The following GRIK2 variants were observed in gnomAD, a reference collection of about 807,000 sequenced individuals.
GRIK2 encodes the protein glutamate ionotropic receptor kainate type subunit 2.
Under a neutral mutation model 100.3 loss-of-function variants are expected in GRIK2, and 32 were observed. The observed-to-expected ratio is 0.32, with a 90% CI of 0.24 to 0.43. The LOEUF is 0.43. GRIK2 is among the 20% of genes least tolerant of loss of function. The pLI, the probability that GRIK2 is intolerant of heterozygous loss-of-function variation, is 1.00. For missense variants in GRIK2, 843 were observed against 1,114.9 expected (o/e 0.76, Z 3.47); for synonymous variants, 417 against 389.4 (o/e 1.07, Z -0.83).
intron 2 of GRIK2, among the ~76,000 whole-genome samples, chr6:101,517,356 G>A (rs376436690): frequency 5.3e-5 from 8 of 152,172 alleles, no homozygotes; most frequent in South Asian, 2.1e-4. Context: ...AGTGTTAAGC[G>A]AATTATATTG....
chr6:101,493,456 A>G (rs551084159), intron 2 of GRIK2, among the ~76,000 whole-genome samples: 1 of 152,234 alleles, frequency 6.6e-6, no homozygotes, highest in African/African-American at 2.4e-5. Context: ...GTAAAATGAT[A>G]TCTTCAGATT....
chr6:101,744,519 CGCGCATATATATAT>C (rs1776262654), intron 7 of GRIK2: 2 of 75,578 alleles, frequency 2.6e-5, no homozygotes, highest in African/African-American at 1.1e-4. Flanking sequence ...TGTGTGCGTG[CGCGCATATATATAT>C]ATATATATAT....
chr6:101,780,809 C>T (rs997674921), intron 7 of GRIK2, among the ~76,000 whole-genome samples: 2 of 151,998 alleles, frequency 1.3e-5, no homozygotes, highest in African/African-American at 2.4e-5. Flanking sequence ...CCTCTTAGGC[C>T]CCAGCGTGAA....
chr6:101,788,896 T>C (rs191011234), intron 7 of GRIK2, among the ~76,000 whole-genome samples: 3,867 of 152,140 alleles, frequency 0.025, 170 homozygotes, highest in African/African-American at 0.088. Context: ...GTTTAATGAT[T>C]GCCATTCTAA....
In GRIK2 at chr6:101,767,518, A is replaced by G. The variant is rs1562370282; in HGVS notation, c.952-32130A>G. The stretch of plus-strand genomic sequence containing the variant: ...TTTTAAGAATATGCATAGTTGAAAT[A>G]CATTTATTTGTTAAAATAATGAGGT... On this transcript the variant is annotated intron_variant, in intron 7 of 16. Coordinates refer to ENST00000369134, the MANE Select transcript of GRIK2 (RefSeq NM_021956.5). Among the ~76,000 whole-genome samples, 4 of 152,216 alleles carry G rather than the reference A, an allele frequency of 2.6e-5. No individual in the cohort carries two copies. The South Asian group carries it at 8.3e-4, about 31-fold the overall frequency.
intron 14 of GRIK2, among the ~76,000 whole-genome samples, chr6:101,951,123 G>A (rs1403973268): frequency 2.0e-5 from 3 of 152,132 alleles, no homozygotes; most frequent in East Asian, 1.9e-4. Flanking sequence ...AGAAATCATT[G>A]AGTGCAGTCA....
At chr6:101,919,326 C>T (rs1285628993) in intron 12 of GRIK2, among the ~76,000 whole-genome samples, 1 of 151,568 alleles carries the variant, frequency 6.6e-6, no homozygotes, top group African/African-American at 2.4e-5. Flanking sequence ...TAAGATGAAT[C>T]AAAGATACAT....
intron 2 of GRIK2, among the ~76,000 whole-genome samples, chr6:101,421,294 C>T (rs1419063922): frequency 6.6e-6 from 1 of 152,284 alleles, no homozygotes; most frequent in East Asian, 1.9e-4. Flanking sequence ...CTTTCTCTCT[C>T]CTGTAAGCTA....
Position 102,028,725 on chromosome 6 carries a change from C to CA in GRIK2, c.2086-6616_2086-6615insA, listed in dbSNP as rs1562122711. Among the ~76,000 whole-genome samples, 31 of 135,672 alleles carry CA rather than the reference C, an allele frequency of 2.3e-4. No homozygotes were observed. The East Asian group carries it at 6.2e-3, about 27-fold the overall frequency. The allele number at this position is 135,672 out of a possible 152,430, so 89.0% of individuals were successfully genotyped here. ...ACTATAAGGATAATAATTAAGAAATCGTTTTTTTTATTTTTGTCAGGTAAG... is the reference window on the plus strand; with the variant it reads ...ACTATAAGGATAATAATTAAGAAATCAGTTTTTTTTATTTTTGTCAGGTAAG... On this transcript the variant is annotated intron_variant, in intron 14 of 16. Coordinates refer to ENST00000369134, the MANE Select transcript of GRIK2 (RefSeq NM_021956.5).
At chr6:101,877,484 C>T (rs1734704696) in intron 11 of GRIK2, among the ~76,000 whole-genome samples, 1 of 151,896 alleles carries the variant, frequency 6.6e-6, no homozygotes. Flanking sequence ...ATACTATATA[C>T]TTCATATAAA....
At chr6:102,048,521 T>A (rs1225976269) in intron 15 of GRIK2, among the ~76,000 whole-genome samples, 2 of 151,768 alleles carry the variant, frequency 1.3e-5, no homozygotes, top group Non-Finnish European at 2.9e-5. Context: ...CAAGAAAAAA[T>A]TATTTAAATG....
chr6:101,446,295 G>A (rs1770371022), intron 2 of GRIK2, among the ~76,000 whole-genome samples: 1 of 151,768 alleles, frequency 6.6e-6, no homozygotes, highest in Non-Finnish European at 1.5e-5. Flanking sequence ...TGATAGCAAA[G>A]GTTTGAGTGA....
chr6:102,046,236 C>CACCA (rs1464943006), intron 15 of GRIK2, among the ~76,000 whole-genome samples: 2 of 151,998 alleles, frequency 1.3e-5, no homozygotes, highest in African/African-American at 4.8e-5. Flanking sequence ...TAGTAAAAGG[C>CACCA]ACCAATACCC....
chr6:101,528,840 T>C (rs1775281421), intron 2 of GRIK2, among the ~76,000 whole-genome samples: 1 of 152,144 alleles, frequency 6.6e-6, no homozygotes, highest in Non-Finnish European at 1.5e-5. Context: ...ATGCAGTACA[T>C]GATGATACTA....
chr6:101,489,972 G>A (rs1420375922), intron 2 of GRIK2, among the ~76,000 whole-genome samples: 1 of 146,422 alleles, frequency 6.8e-6, no homozygotes, highest in Non-Finnish European at 1.5e-5. Flanking sequence ...AAATGTTAAA[G>A]TGCTAGTGAT....
At chr6:101,725,997 TAAA>T (rs969524788) in intron 7 of GRIK2, among the ~76,000 whole-genome samples, 18 of 152,036 alleles carry the variant, frequency 1.2e-4, no homozygotes, top group African/African-American at 4.3e-4. Flanking sequence ...ATTTAATTAA[TAAA>T]AATATCTAAA....
At chr6:101,829,363 C>A (rs1238156964) in intron 10 of GRIK2, among the ~76,000 whole-genome samples, 1 of 151,958 alleles carries the variant, frequency 6.6e-6, no homozygotes, top group Non-Finnish European at 1.5e-5. Flanking sequence ...CTCACCAGTT[C>A]TATTCAACAT....
intron 14 of GRIK2, among the ~76,000 whole-genome samples, chr6:101,987,173 A>G (rs1794061909): frequency 6.6e-6 from 1 of 151,782 alleles, no homozygotes; most frequent in African/African-American, 2.4e-5. Context: ...ATAAAAATAA[A>G]AAAGAACCTT....
At chr6:102,065,917 G>A in intron 16 of GRIK2, 2 of 1,413,738 alleles carry the variant, frequency 1.4e-6, no homozygotes, top group Non-Finnish European at 1.9e-6. Flanking sequence ...TTCTTAATAA[G>A]TACATCTAAT....
Sources: gnomAD v4.1 joint callset for allele counts (sites outside exome capture counted in the v4.1 genomes callset) on GRCh38, gnomAD v4.1.1 for gene constraint, MANE v1.5 for transcripts, NCBI Gene and HGNC (gene_info 2026-07-23, HGNC 2026-07-21) for gene names.